Variants in CSMD1 observed in about 807,000 individuals in gnomAD.
CSMD1 encodes the protein CUB and Sushi multiple domains 1.
CSMD1 carries 213 observed loss-of-function variants against 417.5 expected under a neutral mutation model. The observed-to-expected ratio is 0.51, with a 90% confidence interval of 0.46 to 0.57. The LOEUF is 0.57. Among genes scored for constraint, CSMD1 ranks in the 20% least tolerant of loss-of-function variants. The pLI, the probability that CSMD1 is intolerant of heterozygous loss-of-function variation, is 0.00. For missense variants in CSMD1, 6,923 were observed against 4,529.7 expected (o/e 1.53, Z -15.17); for synonymous variants, 2,862 against 1,736.8 (o/e 1.65, Z -16.11).
chr8:3,557,063 A>C (rs555455351), intron 10 of CSMD1, among the ~76,000 whole-genome samples: 31 of 152,336 alleles, frequency 2.0e-4, no homozygotes, highest in African/African-American at 6.0e-4. Context: ...AAAACACAGA[A>C]TGGCAAGTGC....
At chr8:3,598,554 G>A (rs931201) in intron 8 of CSMD1, among the ~76,000 whole-genome samples, 7 of 151,954 alleles carry the variant, frequency 4.6e-5, no homozygotes, top group African/African-American at 9.7e-5. Context: ...CTTCCTCTAC[G>A]CTCTGTCTAC....
At chr8:4,891,634 C>G (rs1197034670) in intron 1 of CSMD1, among the ~76,000 whole-genome samples, 1 of 152,036 alleles carries the variant, frequency 6.6e-6, no homozygotes, top group Non-Finnish European at 1.5e-5. Context: ...CTGAAAGATG[C>G]TGAATCCAAA....
At chr8:4,057,313 T>G (rs1303964580) in intron 3 of CSMD1, among the ~76,000 whole-genome samples, 1 of 152,234 alleles carries the variant, frequency 6.6e-6, no homozygotes, top group East Asian at 1.9e-4. Context: ...ATGTGCTTTT[T>G]GGCTGCATAA....
intron 12 of CSMD1, among the ~76,000 whole-genome samples, chr8:3,458,057 A>G (rs1445257898): frequency 6.6e-6 from 1 of 152,216 alleles, no homozygotes; most frequent in East Asian, 1.9e-4. Context: ...ACTAAAATAC[A>G]GATTGGAGAA....
intron 2 of CSMD1, among the ~76,000 whole-genome samples, chr8:4,635,611 T>C (rs567084559): frequency 6.6e-6 from 1 of 152,136 alleles, no homozygotes; most frequent in Non-Finnish European, 1.5e-5. Flanking sequence ...GTCACACACA[T>C]TGGCATTTGA....
chr8:3,091,113 G>A (rs1211888810), intron 48 of CSMD1, among the ~76,000 whole-genome samples: 4 of 151,822 alleles, frequency 2.6e-5, no homozygotes, highest in African/African-American at 9.7e-5. Flanking sequence ...CCTGCAGATA[G>A]ATACAAAAAC....
At chr8:3,903,037 G>A (rs765675993) in intron 5 of CSMD1, among the ~76,000 whole-genome samples, 1 of 152,078 alleles carries the variant, frequency 6.6e-6, no homozygotes, top group Non-Finnish European at 1.5e-5. Context: ...TATTAAAGTA[G>A]CGTGTAGCTG....
rs1585376044 is a variant in CSMD1, at chr8:3,564,332, G to T, written c.1344+10613C>A. On this transcript the variant is annotated intron_variant, in intron 10 of 69. Transcript: ENST00000635120. ...TTTTCTCCCAGGATGTTTTTTGAATGTTTTGTCGTCCTCAGTGTCCATAAA... is the reference window on the plus strand; with the variant it reads ...TTTTCTCCCAGGATGTTTTTTGAATTTTTTGTCGTCCTCAGTGTCCATAAA... Among the ~76,000 whole-genome samples the T allele has an allele frequency of 4.0e-5, 6 of 151,864 alleles. No individual in the cohort carries two copies. In the East Asian group the frequency reaches 1.2e-3, roughly 29 times the overall value.
Position 4,801,348 on chromosome 8 carries a change from C to G in CSMD1, c.86-163790G>C, listed in dbSNP as rs546179446. 3.0e-4 allele frequency among the ~76,000 whole-genome samples: 46 copies of G among 152,254 alleles called. No individual in the cohort carries two copies. The South Asian group carries it at 8.9e-3, about 29-fold the overall frequency. On this transcript the variant is annotated intron_variant, in intron 1 of 69. Transcript: ENST00000635120. ...GGAAGATGTGAGCTATAAATTGCTG[C>G]TGCTGCTGCCAGAACCCAGTACTGA...
At chr8:3,257,153 C>G (rs969694086) in intron 26 of CSMD1, among the ~76,000 whole-genome samples, 9 of 152,152 alleles carry the variant, frequency 5.9e-5, no homozygotes, top group African/African-American at 2.2e-4. Flanking sequence ...GAAACCCCAT[C>G]TCCGCTAAAA....
chr8:4,050,748 A>G (rs1798382527), intron 3 of CSMD1, among the ~76,000 whole-genome samples: 1 of 152,292 alleles, frequency 6.6e-6, no homozygotes, highest in East Asian at 1.9e-4. Flanking sequence ...TCACTAAACT[A>G]TAAATGCCCT....
At chr8:4,718,188 G>A (rs1808811665) in intron 1 of CSMD1, among the ~76,000 whole-genome samples, 1 of 152,050 alleles carries the variant, frequency 6.6e-6, no homozygotes, top group African/African-American at 2.4e-5. Flanking sequence ...TGTAGCCCAG[G>A]CTGGTCTCAA....
chr8:3,157,856 G>A (rs889576063), intron 39 of CSMD1, 41 bp downstream of exon 39: 2 of 1,477,710 alleles, frequency 1.4e-6, no homozygotes, highest in Non-Finnish European at 1.9e-6. Context: ...GTTCTTCCCA[G>A]TGTGTGCGCA....
intron 1 of CSMD1, among the ~76,000 whole-genome samples, chr8:4,764,302 A>T (rs1812305018): frequency 6.6e-6 from 1 of 152,190 alleles, no homozygotes; most frequent in South Asian, 2.1e-4. Flanking sequence ...ATCTTTTTGA[A>T]AACATATAGT....
At chr8:4,062,218 A>G (rs1356605918) in intron 3 of CSMD1, among the ~76,000 whole-genome samples, 1 of 152,154 alleles carries the variant, frequency 6.6e-6, no homozygotes, top group Non-Finnish European at 1.5e-5. Context: ...GCTACGGGCC[A>G]GGTTCACACA....
chr8:3,625,957 T>C (rs1210225908), intron 7 of CSMD1, among the ~76,000 whole-genome samples: 1 of 152,178 alleles, frequency 6.6e-6, no homozygotes, highest in East Asian at 1.9e-4. Context: ...AGCTTCAAAT[T>C]AAGCCAAGAT....
intron 3 of CSMD1, among the ~76,000 whole-genome samples, chr8:4,256,003 T>TTA (rs1318830311): frequency 6.6e-6 from 1 of 152,056 alleles, no homozygotes; most frequent in Non-Finnish European, 1.5e-5. Context: ...GTAGAGAGGG[T>TTA]TATCTCATAA....
chr8:3,749,419 C>T (rs181741147), intron 6 of CSMD1, among the ~76,000 whole-genome samples: 1 of 152,076 alleles, frequency 6.6e-6, no homozygotes, highest in African/African-American at 2.4e-5. Context: ...GTCAAGCAAC[C>T]TTACTACTGC....
chr8:4,058,370 T>A (rs1376487112), intron 3 of CSMD1, among the ~76,000 whole-genome samples: 1 of 152,182 alleles, frequency 6.6e-6, no homozygotes, highest in Non-Finnish European at 1.5e-5. Context: ...CTTGTGATTT[T>A]TGTCCATTGA....
Sources: gnomAD v4.1 joint callset for allele counts (sites outside exome capture counted in the v4.1 genomes callset) on GRCh38, gnomAD v4.1.1 for gene constraint, MANE v1.5 for transcripts, NCBI Gene and HGNC (gene_info 2026-07-23, HGNC 2026-07-21) for gene names.